FLI1: variants seen among roughly 807,000 people sequenced by gnomAD.
FLI1 encodes Fli-1 proto-oncogene, ETS transcription factor.
In FLI1, 13 loss-of-function variants were observed where a neutral mutation model predicts 53.1. That is an observed-to-expected ratio of 0.24 (90% CI 0.16 to 0.39). FLI1 has a LOEUF of 0.39. FLI1 is among the 10% of genes least tolerant of loss of function. The pLI, the probability that FLI1 is intolerant of heterozygous loss-of-function variation, is 1.00. For missense variants in FLI1, 424 were observed against 600.5 expected, an observed-to-expected ratio of 0.71 and a Z score of 3.07; for synonymous variants, 244 against 236.7, an observed-to-expected ratio of 1.03 and a Z score of -0.28.
At chr11:128,752,808 T>C (rs1940707417) in intron 1 of FLI1, among the ~76,000 whole-genome samples, 1 of 152,238 alleles carries the variant, frequency 6.6e-6, no homozygotes, top group Non-Finnish European at 1.5e-5. Context: ...TTACCACTTT[T>C]ATCTGTTTTC....
rs200254689 is a variant in FLI1 at position 128,781,982 on chromosome 11, C to T, written c.614C>T (p.Thr205Ile). 1 of 1,613,880 alleles carries T rather than the reference C, an allele frequency of 6.2e-7. No homozygotes were observed. Among genetic ancestry groups the T allele is most frequent in the Non-Finnish European group, 8.5e-7 (1 of 1,179,812 alleles). The change falls in exon 5 of 9, where the codon ACC becomes ATC. Residue 205 changes from threonine to isoleucine, a missense_variant. This residue lies in a region of FLI1 where 114 missense variants were observed against 117.9 expected (regional missense o/e 0.97). Coordinates refer to ENST00000527786, the MANE Select transcript of FLI1 (RefSeq NM_002017.5). The part of the protein sequence containing the change: ...RESSLLAYNT[T>I]SHTDQSSRLS... ...GGTTCACTGCTGGCCTATAATACAACCTCCCACACCGACCAATCCTCACGA... is the reference window on the plus strand; with the variant it reads ...GGTTCACTGCTGGCCTATAATACAATCTCCCACACCGACCAATCCTCACGA...
upstream of FLI1, chr11:128,693,725 C>T: frequency 4.3e-6 from 1 of 233,380 alleles, no homozygotes; most frequent in Non-Finnish European, 8.5e-6. Context: ...GGCGCGGACG[C>T]TGGGCGTGGA....
At chr11:128,751,173 G>A (rs890469090) in intron 1 of FLI1, among the ~76,000 whole-genome samples, 13 of 152,182 alleles carry the variant, frequency 8.5e-5, no homozygotes, top group African/African-American at 3.1e-4. Flanking sequence ...CATGGGATTT[G>A]CATTTCAGGC....
chr11:128,691,257 A>G (rs1306631941), upstream of FLI1, among the ~76,000 whole-genome samples: 1 of 152,176 alleles, frequency 6.6e-6, no homozygotes. Context: ...CTTGTTTACT[A>G]TTGTGCTTGG....
chr11:128,799,046 A>ATTTTTTTT lies in FLI1; in HGVS notation c.656-6318_656-6317insTTTTTTTT, dbSNP rs759935387. On this transcript the variant is annotated intron_variant, in intron 5 of 8. Transcript: ENST00000527786. ...TATTATTATTATTATTATTATTATT[A>ATTTTTTTT]TTATTATTTTGCTTTGGAGACAGGA... Among the ~76,000 whole-genome samples, 902 of 135,688 alleles carry ATTTTTTTT rather than the reference A, an allele frequency of 6.6e-3. 7 individuals carry two copies. The highest frequency in any genetic ancestry group is 0.011 in the African/African-American group (412 of 36,012). 89.0% of individuals were successfully genotyped at this position (135,688 alleles called of 152,430 possible).
chr11:128,754,258 TG>T (rs1316801653), intron 1 of FLI1, among the ~76,000 whole-genome samples: 7 of 151,890 alleles, frequency 4.6e-5, no homozygotes, highest in Non-Finnish European at 1.0e-4. Flanking sequence ...TGTGTGTGTG[TG>T]TGTGTGTGTG....
Position 128,694,280 on chromosome 11 carries a change from A to AGCGGCGGGGCAACGGACGCGG in FLI1, c.18+14_18+34dup, listed in dbSNP as rs1395635749. The AGCGGCGGGGCAACGGACGCGG allele has an allele frequency of 7.2e-7, 1 of 1,381,054 alleles. No individual in the cohort carries two copies. Among genetic ancestry groups the AGCGGCGGGGCAACGGACGCGG allele is most frequent in the Non-Finnish European group, 9.5e-7 (1 of 1,056,268 alleles). The allele number at this position is 1,381,054 out of a possible 1,614,324, so 85.5% of individuals were successfully genotyped here. On this transcript the variant is annotated splice_donor_region_variant and intron_variant, in intron 1 of 8. Coordinates refer to ENST00000527786, the MANE Select transcript of FLI1 (RefSeq NM_002017.5). Reference sequence around the variant, plus strand: ...CCAAATGGACGGGACTATTAAGGTAAGCGGCGGGGCAACGGACGCGGGCGG... The same window carrying AGCGGCGGGGCAACGGACGCGG: ...CCAAATGGACGGGACTATTAAGGTAAGCGGCGGGGCAACGGACGCGGGCGGCGGGGCAACGGACGCGGGCGG...
At chr11:128,791,657 G>C (rs1283335740) in intron 5 of FLI1, among the ~76,000 whole-genome samples, 1 of 152,170 alleles carries the variant, frequency 6.6e-6, no homozygotes, top group Non-Finnish European at 1.5e-5. Flanking sequence ...GGATGTTTTG[G>C]CTCTATCCAC....
At chr11:128,738,587 G>A (rs986421964) in intron 1 of FLI1, among the ~76,000 whole-genome samples, 5 of 152,168 alleles carry the variant, frequency 3.3e-5, no homozygotes, top group African/African-American at 1.2e-4. Flanking sequence ...TTTACTCCTG[G>A]CACCCCACTT....
intron 1 of FLI1, among the ~76,000 whole-genome samples, chr11:128,724,867 C>A (rs1939407145): frequency 6.6e-6 from 1 of 152,140 alleles, no homozygotes; most frequent in Non-Finnish European, 1.5e-5. Context: ...TTGGTAATAT[C>A]ACTACGATTC....
At chr11:128,803,236 T>C (rs1335348419) in intron 5 of FLI1, among the ~76,000 whole-genome samples, 1 of 152,042 alleles carries the variant, frequency 6.6e-6, no homozygotes, top group East Asian at 1.9e-4. Flanking sequence ...CCACCCCACA[T>C]ACCACAAGCT....
At chr11:128,693,570 C>T (rs889524110), upstream of FLI1, among the ~76,000 whole-genome samples, 14 of 151,722 alleles carry the variant, frequency 9.2e-5, no homozygotes, top group African/African-American at 3.4e-4. Context: ...CATTAATGAA[C>T]GTATCTGTGG....
intron 1 of FLI1, 138 bp from the exon 2 acceptor site, chr11:128,757,976 TG>T: frequency 1.4e-6 from 1 of 704,256 alleles, no homozygotes; most frequent in Non-Finnish European, 2.4e-6. Flanking sequence ...ACCTGCCCCC[TG>T]GAGTGTGAGT....
chr11:128,767,565 A>G (rs2135830906), intron 2 of FLI1, among the ~76,000 whole-genome samples: 1 of 152,364 alleles, frequency 6.6e-6, no homozygotes, highest in East Asian at 1.9e-4. Flanking sequence ...TTAAACTTAT[A>G]TATGTGCAAT....
chr11:128,693,972 GAGAGAGAGAGAGAGAGAGAGAT>G, upstream of FLI1: 2 of 362,714 alleles, frequency 5.5e-6, no homozygotes, highest in Non-Finnish European at 9.9e-6. Flanking sequence ...GAGAGAGAGA[GAGAGAGAGAGAGAGAGAGAGAT>G]AGGACTTCCT....
At chr11:128,687,023 G>C (rs535925270) in intron 1 of FLI1, 1 of 157,836 alleles carries the variant, frequency 6.3e-6, no homozygotes, top group Admixed American at 6.1e-5. Context: ...AGCGGCTGGC[G>C]CACAGCGTGT....
At chr11:128,778,917 G>C (rs545347605) in intron 4 of FLI1, among the ~76,000 whole-genome samples, 141 of 152,258 alleles carry the variant, frequency 9.3e-4, no homozygotes, top group Non-Finnish European at 1.5e-3. Flanking sequence ...AGTAGAAATC[G>C]GAGAAGAGGA....
rs1158274826 is a variant in FLI1 at position 128,807,098 on chromosome 11, G to A, written c.722-82G>A. On this transcript the variant is annotated intron_variant, in intron 6 of 8. Transcript: ENST00000527786. ...GTGGAGAGTGGGCGAAGGAATGAGT[G>A]AGAAAGCACATCTGTCAAGACGTCT... is the stretch of plus-strand genomic sequence containing the variant. 4 of 740,904 alleles carry A rather than the reference G, an allele frequency of 5.4e-6. No individual in the cohort carries two copies. The East Asian group carries it at 1.2e-4, about 22-fold the overall frequency. The allele number at this position is 740,904 out of a possible 1,614,324, so 45.9% of individuals were successfully genotyped here.
chr11:128,810,341 C>T lies in FLI1; in HGVS notation c.830-118C>T, dbSNP rs944264659. 2.0e-5 allele frequency: 20 copies of T among 1,021,996 alleles called. No individual in the cohort carries two copies. The highest frequency in any genetic ancestry group is 6.5e-5 in the African/African-American group (4 of 61,256). 63.3% of individuals were successfully genotyped at this position (1,021,996 alleles called of 1,614,324 possible). On this transcript the variant is annotated intron_variant, in intron 8 of 8. Transcript: ENST00000527786. This position sits in a 1 kb window ranked among gnomAD's most constrained non-coding sequence, Gnocchi z 6.6. ...GGGCTTGTCAAGTCGATCCCAATGT[C>T]GAAGGAAACAAAAGGTTTCTTTAAA...
Sources: allele counts gnomAD v4.1 joint callset (sites outside exome capture counted in the v4.1 genomes callset), GRCh38; gene constraint gnomAD v4.1.1; regional missense constraint gnomAD v4.1.1; non-coding constraint Gnocchi (gnomAD v3.1); transcripts MANE v1.5; gene names NCBI Gene and HGNC (gene_info 2026-07-23, HGNC 2026-07-21).